The following VPS13D variants were observed in gnomAD, a reference collection of about 807,000 sequenced individuals.
The protein encoded by VPS13D is intermembrane lipid transfer protein VPS13D.
A neutral mutation model predicts 461.9 loss-of-function variants in VPS13D; 187 were observed. The ratio of observed to expected loss-of-function variants is 0.40; its 90% CI spans 0.36 to 0.46. VPS13D has a LOEUF of 0.46. Ranked by LOEUF, VPS13D falls within the 20% of genes least tolerant of loss-of-function variation. The probability of loss-of-function intolerance (pLI) is 0.60; values close to 1 mark genes in which losing one functional copy is unlikely to be tolerated. For missense variants in VPS13D, 4,711 were observed against 5,364.9 expected (o/e 0.88, Z 3.81); for synonymous variants, 1,951 against 1,986.3 (o/e 0.98, Z 0.47).
In VPS13D at chr1:12,268,988, C is replaced by T. The variant is rs1400778255; in HGVS notation, c.1972+112C>T. The T allele has an allele frequency of 8.0e-6, 10 of 1,255,032 alleles. No individual in the cohort carries two copies. In the East Asian group the frequency reaches 2.0e-4, roughly 25 times the overall value. The allele number at this position is 1,255,032 out of a possible 1,614,324, so 77.7% of individuals were successfully genotyped here. ...GATGCTCTGATAGTGACAAAAAAGG[C>T]CTGCAGAGTAAGTCAATAGGGTTGC... On this transcript the variant is annotated intron_variant, in intron 16 of 69. Coordinates refer to ENST00000620676, the MANE Select transcript of VPS13D (RefSeq NM_015378.4).
intron 26 of VPS13D, among the ~76,000 whole-genome samples, chr1:12,308,225 G>C (rs981640258): frequency 4.6e-5 from 7 of 152,116 alleles, no homozygotes; most frequent in African/African-American, 1.7e-4. Context: ...GGTGTGTCGA[G>C]CACATGGAGC....
chr1:12,417,807 G>A (rs1009435398), intron 65 of VPS13D, among the ~76,000 whole-genome samples: 4 of 152,218 alleles, frequency 2.6e-5, no homozygotes, highest in Non-Finnish European at 5.9e-5. Context: ...ATTTTCTAGG[G>A]ATGATAGATT....
rs1553187933 is a variant in VPS13D at position 12,396,029 on chromosome 1, A to ATATGTATT, written c.11635-4152_11635-4151insTATGTATT. On this transcript the variant is annotated intron_variant, in intron 60 of 69. Transcript: ENST00000620676. ...TATATATATATATATATATATATAT[A>ATATGTATT]GTTCTTTAAGATCAATAAAATTAAT... 7.7e-4 allele frequency among the ~76,000 whole-genome samples: 92 copies of ATATGTATT among 119,824 alleles called. 2 individuals carry two copies. Among genetic ancestry groups the ATATGTATT allele is most frequent in the African/African-American group, 2.3e-3 (61 of 26,168 alleles). 78.6% of individuals were successfully genotyped at this position (119,824 alleles called of 152,430 possible). A position where few individuals can be genotyped will look rare whatever the true frequency, so the allele number is the denominator to read the frequency against.
At chr1:12,278,081 A>G (rs760585520) in intron 19 of VPS13D, 43 bp downstream of exon 19, 8 of 1,546,268 alleles carry the variant, frequency 5.2e-6, no homozygotes, top group Non-Finnish European at 4.4e-6. Context: ...TTAATGATTG[A>G]AAACCCAGCT....
chr1:12,393,221 G>A (rs1057149451), intron 60 of VPS13D, among the ~76,000 whole-genome samples: 4 of 152,364 alleles, frequency 2.6e-5, no homozygotes, highest in African/African-American at 9.6e-5. Flanking sequence ...GATCCAATCT[G>A]CATAATGTCA....
In VPS13D at chr1:12,389,426, C is replaced by T. The variant is rs978040120; in HGVS notation, c.11634+3092C>T. Among the ~76,000 whole-genome samples the T allele has an allele frequency of 4.6e-5, 7 of 152,276 alleles. No individual in the cohort carries two copies. In the South Asian group the frequency reaches 8.3e-4, roughly 18 times the overall value. ...CACCTAACATAATACAGCCATCCTT[C>T]GTACAGCTGGAAACACACCAGTCCC... On this transcript the variant is annotated intron_variant, in intron 60 of 69. Transcript: ENST00000620676.
chr1:12,280,435 C>A (rs1315998286), intron 20 of VPS13D, among the ~76,000 whole-genome samples: 1 of 152,054 alleles, frequency 6.6e-6, no homozygotes, highest in African/African-American at 2.4e-5. Context: ...GTGGTAGCTA[C>A]CAGGACAAAT....
intron 52 of VPS13D, among the ~76,000 whole-genome samples, chr1:12,366,255 A>G (rs771162129): frequency 6.6e-6 from 1 of 152,194 alleles, no homozygotes; most frequent in African/African-American, 2.4e-5. Flanking sequence ...ATCTAATTCA[A>G]TAGTGAGCCC....
chr1:12,501,019 A>G lies in VPS13D; in HGVS notation c.12794+3388A>G, dbSNP rs576528591. Among the ~76,000 whole-genome samples the G allele has an allele frequency of 1.1e-4, 17 of 152,048 alleles. No individual in the cohort carries two copies. In the East Asian group the frequency reaches 2.6e-3, roughly 23 times the overall value. ...CAGTGAGCTGAGATCACGCCACTGC[A>G]CTCCAGCCTGGGTGACAGAGTGAGA... On this transcript the variant is annotated intron_variant, in intron 68 of 69. Coordinates refer to ENST00000620676, the MANE Select transcript of VPS13D (RefSeq NM_015378.4).
intron 65 of VPS13D, among the ~76,000 whole-genome samples, chr1:12,428,779 C>G (rs140701121): frequency 1.3e-5 from 2 of 152,368 alleles, no homozygotes; most frequent in East Asian, 3.9e-4. Flanking sequence ...GTCAACATTT[C>G]TCACATCACC....
In VPS13D at chr1:12,329,856, C is replaced by A. The variant is rs750973497; in HGVS notation, c.8225C>A (p.Thr2742Asn). ...SRLNFLQRVR[T>N]SPEGYAHFTL... is the part of the protein sequence containing the mutation. ...CTGAATTTTCTTCAGCGTGTAAGAA[C>A]TAGCCCTGAAGGCTATGCCCACTTC... is the stretch of plus-strand genomic sequence containing the variant. The change falls in exon 37 of 70, where the codon ACT becomes AAT. Residue 2742 changes from threonine to asparagine, a missense_variant. Physicochemically the swap from Thr to Asn is moderately conservative, Grantham distance 65. Transcript: ENST00000620676. The A allele has an allele frequency of 6.2e-7, 1 of 1,614,176 alleles. No individual in the cohort carries two copies. The highest frequency in any genetic ancestry group is 1.7e-5 in the Admixed American group (1 of 60,034).
chr1:12,439,896 AC>A (rs1645108147), intron 65 of VPS13D, among the ~76,000 whole-genome samples: 1 of 150,558 alleles, frequency 6.6e-6, no homozygotes, highest in African/African-American at 2.5e-5. Context: ...CTAATGTGTG[AC>A]CCCAGAGCTT....
chr1:12,259,542 A>G (rs235244), intron 10 of VPS13D, among the ~76,000 whole-genome samples: 8,357 of 152,036 alleles, frequency 0.055, 756 homozygotes, highest in African/African-American at 0.19. Context: ...GGGCTCAAGC[A>G]ATTTGCCCGC....
intron 21 of VPS13D, among the ~76,000 whole-genome samples, chr1:12,286,439 G>A (rs75921527): frequency 0.022 from 3,287 of 152,272 alleles, 62 homozygotes; most frequent in African/African-American, 0.038. Flanking sequence ...TTGCTGTCAT[G>A]TCTTTTAAAT....
At chr1:12,306,082 C>G (rs1642555957) in intron 26 of VPS13D, among the ~76,000 whole-genome samples, 1 of 152,088 alleles carries the variant, frequency 6.6e-6, no homozygotes, top group Non-Finnish European at 1.5e-5. Context: ...CTCCCGGGTT[C>G]ACGCCATTCT....
At chr1:12,383,453 T>C (rs1046596143) in intron 58 of VPS13D, among the ~76,000 whole-genome samples, 2 of 145,720 alleles carry the variant, frequency 1.4e-5, no homozygotes, top group African/African-American at 5.2e-5. Context: ...TAATTATTAT[T>C]AATAACATAA....
intron 1 of VPS13D, among the ~76,000 whole-genome samples, chr1:12,231,787 A>G (rs1639982035): frequency 6.6e-5 from 10 of 152,176 alleles, no homozygotes; most frequent in Non-Finnish European, 1.2e-4. Flanking sequence ...TCAGGATTTC[A>G]GACCAGCCTG....
chr1:12,350,291 C>G (rs1643766143), intron 46 of VPS13D, among the ~76,000 whole-genome samples: 2 of 152,026 alleles, frequency 1.3e-5, no homozygotes, highest in South Asian at 4.1e-4. Context: ...AAACAAAGAT[C>G]AATAAATATT....
At chr1:12,338,032 T>A in intron 39 of VPS13D, 199 bp from the exon 40 acceptor site, 2 of 447,990 alleles carry the variant, frequency 4.5e-6, no homozygotes, top group African/African-American at 2.0e-5. Flanking sequence ...GCCTCCACAA[T>A]AAAAACTAGC....
Sources: gnomAD v4.1 joint callset for allele counts (sites outside exome capture counted in the v4.1 genomes callset) on GRCh38, gnomAD v4.1.1 for gene constraint, MANE v1.5 for transcripts, NCBI Gene and HGNC (gene_info 2026-07-23, HGNC 2026-07-21) for gene names.